The following LCORL variants were observed in gnomAD, a reference collection of about 807,000 sequenced individuals.
LCORL encodes the protein ligand-dependent nuclear receptor corepressor-like protein.
In LCORL, 41 loss-of-function variants were observed where a neutral mutation model predicts 141.8. That is an observed-to-expected ratio of 0.29 (90% CI 0.23 to 0.38). The LOEUF (loss-of-function observed/expected upper bound fraction) is 0.38, where lower values mean the gene tolerates loss of function less well. Ranked by LOEUF, LCORL falls within the 10% of genes least tolerant of loss-of-function variation. The pLI is 1.00. For synonymous variants in LCORL, 618 were observed against 694.1 expected (o/e 0.89, Z 1.72); for missense variants, 1,759 against 2,035.0 (o/e 0.86, Z 2.61).
chr4:17,895,023 T>TTA (rs1170897867), intron 5 of LCORL, among the ~76,000 whole-genome samples: 9 of 149,044 alleles, frequency 6.0e-5, no homozygotes, highest in Non-Finnish European at 1.0e-4. Context: ...ATATATATGT[T>TTA]TATATATATA....
rs1725662470 is a variant in LCORL, at chr4:18,021,786, G to A, written c.-35C>T. 1 of 1,465,530 alleles carries A rather than the reference G, an allele frequency of 6.8e-7. No individual in the cohort carries two copies. Among genetic ancestry groups the A allele is most frequent in the East Asian group, 2.7e-5 (1 of 37,460 alleles). The allele number at this position is 1,465,530 out of a possible 1,614,324, so 90.8% of individuals were successfully genotyped here. A position where few individuals can be genotyped will look rare whatever the true frequency, so the allele number is the denominator to read the frequency against. On this transcript the variant is annotated 5_prime_UTR_variant, in exon 1 of 8. Coordinates refer to ENST00000635767, the Ensembl canonical transcript of LCORL. The surrounding 1 kb of genome is among the most constrained non-coding windows in gnomAD (Gnocchi z 5.5). ...GCGTCACGCGCCCTCATTTACATAC[G>A]AGCAGCGCAGGCACGAGGCAGGGGC...
chr4:17,926,057 A>G (rs1003747216), intron 4 of LCORL, among the ~76,000 whole-genome samples: 17 of 152,114 alleles, frequency 1.1e-4, no homozygotes, highest in African/African-American at 4.1e-4. Flanking sequence ...GGACTGGTGC[A>G]CTGTATGAAG....
chr4:18,005,721 C>T (rs1047315645), intron 1 of LCORL, among the ~76,000 whole-genome samples: 2 of 152,182 alleles, frequency 1.3e-5, no homozygotes, highest in African/African-American at 2.4e-5. Context: ...GGCCACGGCC[C>T]GAGCTCTATG....
At chr4:17,929,317 T>G (rs780118665) in intron 4 of LCORL, among the ~76,000 whole-genome samples, 4 of 152,144 alleles carry the variant, frequency 2.6e-5, no homozygotes, top group Admixed American at 1.3e-4. Context: ...GGACCCCGAA[T>G]AGCCAAAATA....
chr4:17,961,784 T>C, intron 4 of LCORL, 119 bp downstream of exon 4: 1 of 698,566 alleles, frequency 1.4e-6, no homozygotes, highest in South Asian at 2.4e-5. Flanking sequence ...AAATTAAGAA[T>C]AAAGAAACAA....
chr4:17,930,002 A>G (rs1735750188), intron 4 of LCORL, among the ~76,000 whole-genome samples: 1 of 152,214 alleles, frequency 6.6e-6, no homozygotes, highest in Non-Finnish European at 1.5e-5. Flanking sequence ...GTACATGACA[A>G]GATGCTTAGC....
chr4:17,869,123 C>T (rs1726034722), intron 7 of LCORL, among the ~76,000 whole-genome samples: 1 of 150,664 alleles, frequency 6.6e-6, no homozygotes, highest in Non-Finnish European at 1.5e-5. Context: ...AGATCCTATA[C>T]CCAATAATCT....
chr4:17,873,888 C>G (rs1345833128), exon 7 of LCORL: 3 of 1,233,820 alleles, frequency 2.4e-6, no homozygotes, highest in African/African-American at 3.1e-5. Context: ...GTCTTTTTGG[C>G]TGCAATTTGT....
chr4:17,953,097 T>A (rs1186099868), intron 4 of LCORL, among the ~76,000 whole-genome samples: 1 of 152,212 alleles, frequency 6.6e-6, no homozygotes, highest in East Asian at 1.9e-4. Flanking sequence ...CATGGCTGCA[T>A]AGTATCCTAT....
intron 1 of LCORL, among the ~76,000 whole-genome samples, chr4:17,981,838 A>G (rs1464882830): frequency 6.6e-6 from 1 of 152,092 alleles, no homozygotes. Context: ...AGACTATTTC[A>G]TCACCTGGGT....
At chr4:17,979,021 A>G (rs1004581207) in intron 1 of LCORL, among the ~76,000 whole-genome samples, 3 of 152,006 alleles carry the variant, frequency 2.0e-5, no homozygotes, top group Non-Finnish European at 4.4e-5. Flanking sequence ...CGCATTAGGT[A>G]TATCTCCTAA....
chr4:17,842,711 C>CTGAT (rs1722535018), exon 8 of LCORL: 2 of 222,620 alleles, frequency 9.0e-6, no homozygotes, highest in Admixed American at 1.0e-4. Context: ...CACTTACATA[C>CTGAT]TGATAGAATA....
exon 7 of LCORL, chr4:17,876,234 C>G: frequency 8.1e-7 from 1 of 1,230,922 alleles, no homozygotes; most frequent in Non-Finnish European, 1.0e-6. Flanking sequence ...ATTTTCAAGT[C>G]TTTTGTTATT....
chr4:18,010,913 G>C (rs994156303), intron 1 of LCORL, among the ~76,000 whole-genome samples: 1 of 152,098 alleles, frequency 6.6e-6, no homozygotes, highest in Admixed American at 6.6e-5. Flanking sequence ...TTTCTATGAG[G>C]AAGGATGCAT....
intron 6 of LCORL, among the ~76,000 whole-genome samples, chr4:17,885,047 T>C (rs914221183): frequency 3.9e-5 from 6 of 151,970 alleles, no homozygotes; most frequent in African/African-American, 1.4e-4. Flanking sequence ...CTCTGATAGA[T>C]GCTTGCAGAG....
chr4:17,855,911 C>G (rs1724309470), intron 7 of LCORL, among the ~76,000 whole-genome samples: 1 of 152,170 alleles, frequency 6.6e-6, no homozygotes, highest in African/African-American at 2.4e-5. Context: ...AATAAACCAC[C>G]TCTTCTCAAT....
At chr4:17,842,711 C>T (rs769894686) in exon 8 of LCORL, 8 of 222,620 alleles carry the variant, frequency 3.6e-5, no homozygotes, top group Non-Finnish European at 7.2e-5. Context: ...CACTTACATA[C>T]TGATAGAATA....
chr4:17,951,977 G>GT (rs1208844089), intron 4 of LCORL, among the ~76,000 whole-genome samples: 1 of 152,132 alleles, frequency 6.6e-6, no homozygotes, highest in Non-Finnish European at 1.5e-5. Flanking sequence ...AAATTCATGA[G>GT]TTACTCAAGA....
At chr4:17,881,700 A>G in intron 6 of LCORL, 1 of 937,650 alleles carries the variant, frequency 1.1e-6, no homozygotes, top group East Asian at 1.2e-4. Flanking sequence ...TTATTAATGT[A>G]AATATAGTGT....
Sources: allele counts gnomAD v4.1 joint callset (sites outside exome capture counted in the v4.1 genomes callset), GRCh38; gene constraint gnomAD v4.1.1; non-coding constraint Gnocchi (gnomAD v3.1); transcripts MANE v1.5; gene names NCBI Gene and HGNC (gene_info 2026-07-23, HGNC 2026-07-21).